Variants in VAT1L observed in about 807,000 individuals in gnomAD.
VAT1L encodes vesicle amine transport 1 like.
A neutral mutation model predicts 44.1 loss-of-function variants in VAT1L; 34 were observed. The observed-to-expected ratio is 0.77, with a 90% CI of 0.59 to 1.03. The LOEUF is 1.03. Ranked by LOEUF, VAT1L falls within the 50% of genes least tolerant of loss-of-function variation. The pLI is 0.00. For missense variants in VAT1L, 615 were observed against 538.8 expected, an observed-to-expected ratio of 1.14 and a Z score of -1.40; for synonymous variants, 253 against 202.2, an observed-to-expected ratio of 1.25 and a Z score of -2.13.
At chr16:77,920,079 A>G (rs1036264443) in intron 7 of VAT1L, among the ~76,000 whole-genome samples, 1 of 151,516 alleles carries the variant, frequency 6.6e-6, no homozygotes, top group African/African-American at 2.4e-5. Context: ...GACTCTGTCC[A>G]AAAAAAAATA....
chr16:77,816,190 T>G (rs1160567515), intron 1 of VAT1L, among the ~76,000 whole-genome samples: 1 of 152,130 alleles, frequency 6.6e-6, no homozygotes, highest in East Asian at 1.9e-4. Flanking sequence ...TTTTAATAAC[T>G]TTCTTATTCC....
intron 7 of VAT1L, among the ~76,000 whole-genome samples, chr16:77,956,774 C>T (rs995064372): frequency 1.3e-5 from 2 of 152,184 alleles, no homozygotes; most frequent in African/African-American, 2.4e-5. Flanking sequence ...GCAATGCTTT[C>T]GCAAATAGAA....
intron 7 of VAT1L, chr16:77,893,029 G>A: frequency 1.7e-6 from 1 of 572,346 alleles, no homozygotes. Context: ...GCTCGCTGCA[G>A]TTCCCTTTGG....
Position 77,971,926 on chromosome 16 carries a change from C to T in VAT1L, c.1154C>T (p.Thr385Ile). ...KLILDVEKTP[T>I]PLMANDSTET... ...ATTCTGGATGTAGAAAAGACCCCAA[C>T]TCCACTGGTGAGTGAAAAGCAGAGG... Residue 385 changes from threonine (T) to isoleucine (I), a missense_variant, in exon 8 of 9, where the codon ACT becomes ATT. Transcript: ENST00000302536. 6.2e-7 allele frequency: 1 copy of T among 1,613,698 alleles called. No homozygotes were observed. Among genetic ancestry groups the T allele is most frequent in the Non-Finnish European group, 8.5e-7 (1 of 1,179,770 alleles).
intron 6 of VAT1L, among the ~76,000 whole-genome samples, chr16:77,883,482 G>A (rs2017176051): frequency 6.6e-6 from 1 of 152,108 alleles, no homozygotes; most frequent in South Asian, 2.1e-4. Context: ...CGGCTTTAAT[G>A]CTATGGATAT....
intron 7 of VAT1L, among the ~76,000 whole-genome samples, chr16:77,901,485 T>C (rs987193688): frequency 1.3e-5 from 2 of 152,202 alleles, no homozygotes; most frequent in East Asian, 3.9e-4. Context: ...TTTTAGTTAG[T>C]ATTTAATGCA....
chr16:77,829,115 T>C (rs761094514), intron 3 of VAT1L, among the ~76,000 whole-genome samples: 5 of 152,180 alleles, frequency 3.3e-5, no homozygotes, highest in Non-Finnish European at 5.9e-5. Flanking sequence ...CCAAAACCTC[T>C]TCTCTTTCCA....
chr16:77,975,891 C>G (rs1419534347), intron 8 of VAT1L, among the ~76,000 whole-genome samples: 2 of 152,226 alleles, frequency 1.3e-5, no homozygotes, highest in East Asian at 3.9e-4. Context: ...GGCTACTGAC[C>G]TCTGCTGCCC....
intron 6 of VAT1L, among the ~76,000 whole-genome samples, chr16:77,881,466 T>C (rs552027554): frequency 1.3e-5 from 2 of 152,256 alleles, no homozygotes; most frequent in African/African-American, 2.4e-5. Context: ...AGTGCTAAAA[T>C]AGAAAATAGC....
At chr16:77,799,551 GT>G (rs1567466664) in intron 1 of VAT1L, among the ~76,000 whole-genome samples, 109 of 134,216 alleles carry the variant, frequency 8.1e-4, no homozygotes, top group African/African-American at 2.9e-3. Context: ...GTGTGTGTGT[GT>G]GTGTGGTGTG....
intron 7 of VAT1L, among the ~76,000 whole-genome samples, chr16:77,964,608 T>A (rs572163701): frequency 1.1e-4 from 17 of 152,204 alleles, no homozygotes; most frequent in African/African-American, 3.9e-4. Flanking sequence ...CCCTTTGCCA[T>A]GTCAGGTAAC....
chr16:77,793,940 C>G (rs935884434), intron 1 of VAT1L, among the ~76,000 whole-genome samples: 1 of 152,150 alleles, frequency 6.6e-6, no homozygotes, highest in Non-Finnish European at 1.5e-5. Context: ...TTCATTTCAT[C>G]CTAATGACAA....
At chr16:77,847,717 G>T (rs570831162) in intron 3 of VAT1L, among the ~76,000 whole-genome samples, 3 of 152,218 alleles carry the variant, frequency 2.0e-5, no homozygotes, top group Non-Finnish European at 4.4e-5. Flanking sequence ...AAAGTCGAGT[G>T]GCAAAACCAA....
At chr16:77,966,764 G>C (rs952576690) in intron 7 of VAT1L, among the ~76,000 whole-genome samples, 14 of 152,010 alleles carry the variant, frequency 9.2e-5, no homozygotes, top group African/African-American at 2.9e-4. Context: ...GATTAAGTCT[G>C]TGAAGTCTGG....
intron 7 of VAT1L, among the ~76,000 whole-genome samples, chr16:77,937,112 G>C (rs189699236): frequency 4.2e-4 from 64 of 152,176 alleles, no homozygotes; most frequent in African/African-American, 1.5e-3. Context: ...CGATCTCTTA[G>C]CCTCATGATC....
At chr16:77,791,828 G>C (rs866470010) in intron 1 of VAT1L, among the ~76,000 whole-genome samples, 5 of 152,288 alleles carry the variant, frequency 3.3e-5, no homozygotes, top group Middle Eastern at 3.4e-3. Flanking sequence ...ACTGTTGCTG[G>C]GGTCAGGGTT....
In VAT1L at chr16:77,845,808, G is replaced by A. The variant is rs566282180; in HGVS notation, c.580-16940G>A. ...TCACTTCCTTTTGGAAGCCCCTCCC[G>A]CTCTTCTGCCTCTATGCCCTCTACA... On this transcript the variant is annotated intron_variant, in intron 3 of 8. Coordinates refer to ENST00000302536, the MANE Select transcript of VAT1L (RefSeq NM_020927.3). Among the ~76,000 whole-genome samples, 207 of 152,112 alleles carry A rather than the reference G, an allele frequency of 1.4e-3. 1 individual carries two copies. The highest frequency in any genetic ancestry group is 4.7e-3 in the African/African-American group (197 of 41,510).
At chr16:77,809,919 C>T (rs1018982396) in intron 1 of VAT1L, among the ~76,000 whole-genome samples, 4 of 152,208 alleles carry the variant, frequency 2.6e-5, no homozygotes, top group African/African-American at 9.7e-5. Flanking sequence ...ATATTTTTAT[C>T]AGCAACTTGG....
chr16:77,817,045 T>C lies in VAT1L; in HGVS notation c.358T>C (p.Tyr120His). The change falls in exon 2 of 9, where the codon TAT (tyrosine) becomes CAT (histidine). Residue 120 changes from tyrosine to histidine, a missense_variant. Coordinates refer to ENST00000302536, the MANE Select transcript of VAT1L (RefSeq NM_020927.3). ...VEALGDSVKGYEIGDRVMAFV... is the reference protein window; with the variant it reads ...VEALGDSVKGHEIGDRVMAFV... ...AGCTCTGGGGGACAGCGTGAAAGGA[T>C]ATGAGGTAATGTTTGGCTCTCAATT... The C allele has an allele frequency of 6.2e-7, 1 of 1,613,236 alleles. No individual in the cohort carries two copies. The highest frequency in any genetic ancestry group is 8.5e-7 in the Non-Finnish European group (1 of 1,179,684).
Sources: gnomAD v4.1 joint callset for allele counts (sites outside exome capture counted in the v4.1 genomes callset) on GRCh38, gnomAD v4.1.1 for gene constraint, MANE v1.5 for transcripts, NCBI Gene and HGNC (gene_info 2026-07-23, HGNC 2026-07-21) for gene names.